The following MYO16 variants were observed in gnomAD, a reference collection of about 807,000 sequenced individuals.
MYO16 encodes unconventional myosin-XVI.
A neutral mutation model predicts 205.3 loss-of-function variants in MYO16; 94 were observed. The ratio of observed to expected loss-of-function variants is 0.46; its 90% CI spans 0.39 to 0.54. The LOEUF is 0.54. MYO16 is among the 20% of genes least tolerant of loss of function. The probability of loss-of-function intolerance (pLI) is 0.00; values close to 1 mark genes in which losing one functional copy is unlikely to be tolerated. For missense variants in MYO16, 2,315 were observed against 2,387.5 expected (o/e 0.97, Z 0.63); for synonymous variants, 988 against 954.0 (o/e 1.04, Z -0.66).
At chr13:108,908,890 T>A (rs898205348) in intron 15 of MYO16, among the ~76,000 whole-genome samples, 1 of 151,622 alleles carries the variant, frequency 6.6e-6, no homozygotes, top group Non-Finnish European at 1.5e-5. Context: ...GGAGAATCAC[T>A]TGAACCGGAG....
intron 27 of MYO16, among the ~76,000 whole-genome samples, chr13:109,083,383 C>CA (rs71125367): frequency 0.013 from 673 of 52,316 alleles, 136 homozygotes; most frequent in Middle Eastern, 0.023. Context: ...AACTCCGTCT[C>CA]AAAAAAAAAA....
At chr13:108,557,418 G>A in the MYO16 span, among the ~76,000 whole-genome samples, 11 of 152,164 alleles carry the variant, frequency 7.2e-5, no homozygotes, top group African/African-American at 2.6e-4. Flanking sequence ...CAAACATTTT[G>A]TTTGTGTGCA....
At chr13:108,916,157 T>C (rs768060539) in intron 16 of MYO16, among the ~76,000 whole-genome samples, 6 of 152,192 alleles carry the variant, frequency 3.9e-5, no homozygotes, top group Non-Finnish European at 5.9e-5. Flanking sequence ...GGAGGTGCTT[T>C]CACCAGATTC....
chr13:109,040,150 A>T (rs1028613051), intron 23 of MYO16, among the ~76,000 whole-genome samples: 21 of 152,112 alleles, frequency 1.4e-4, no homozygotes, highest in African/African-American at 4.8e-4. Flanking sequence ...TTTGAATAGC[A>T]CCATAACTTT....
At chr13:108,879,966 A>C (rs188742454) in intron 12 of MYO16, among the ~76,000 whole-genome samples, 1 of 152,342 alleles carries the variant, frequency 6.6e-6, no homozygotes, top group Non-Finnish European at 1.5e-5. Flanking sequence ...GAACTAGTTT[A>C]CAGTCCCACA....
the MYO16 span, among the ~76,000 whole-genome samples, chr13:108,566,781 G>A: frequency 1.8e-4 from 26 of 141,840 alleles, no homozygotes; most frequent in African/African-American, 6.8e-4. Flanking sequence ...AAGGAAGGAA[G>A]GAAGGAAAGA....
chr13:109,054,201 G>T (rs1453867304), intron 25 of MYO16: 2 of 195,844 alleles, frequency 1.0e-5, no homozygotes, highest in Non-Finnish European at 2.2e-5. Flanking sequence ...CTGATTTTAT[G>T]TCTCTATCAT....
At chr13:108,960,712 C>T (rs921437814) in intron 17 of MYO16, among the ~76,000 whole-genome samples, 5 of 152,212 alleles carry the variant, frequency 3.3e-5, no homozygotes, top group Admixed American at 3.3e-4. Context: ...CGGGGCTCAA[C>T]CTGTTTTACT....
chr13:108,625,986 C>A (rs1323567345), upstream of MYO16, among the ~76,000 whole-genome samples: 2 of 152,142 alleles, frequency 1.3e-5, no homozygotes, highest in East Asian at 3.9e-4. Flanking sequence ...CACCTGGGGC[C>A]TTTTTGGAGC....
At chr13:108,525,049 A>G in the MYO16 span, among the ~76,000 whole-genome samples, 1 of 152,208 alleles carries the variant, frequency 6.6e-6, no homozygotes, top group Non-Finnish European at 1.5e-5. Context: ...AACTGAAATA[A>G]GAGAGTGAAG....
At position 109,086,084 on chromosome 13, in the gene MYO16, T is replaced by G. The variant is rs1888428560; in HGVS notation, c.3336-14701T>G. On this transcript the variant is annotated intron_variant, in intron 27 of 34. Transcript: ENST00000457511. The stretch of plus-strand genomic sequence containing the variant: ...GATTTGTATTCTCTACTGACAAAAT[T>G]TATCTGTGCTGCCCAAGATAGACAT... 2.0e-5 allele frequency among the ~76,000 whole-genome samples: 3 copies of G among 152,088 alleles called. No homozygotes were observed. In the South Asian group the frequency reaches 6.2e-4, roughly 32 times the overall value.
chr13:108,670,062 C>T (rs750537315), intron 2 of MYO16, among the ~76,000 whole-genome samples: 9 of 152,118 alleles, frequency 5.9e-5, no homozygotes, highest in Non-Finnish European at 1.3e-4. Flanking sequence ...GCACTTTCTG[C>T]ACATGTATCC....
intron 20 of MYO16, among the ~76,000 whole-genome samples, chr13:108,983,918 A>G (rs1190677673): frequency 2.0e-5 from 3 of 152,136 alleles, no homozygotes; most frequent in African/African-American, 7.2e-5. Flanking sequence ...TAGCACTCCT[A>G]CTATACTGAT....
chr13:109,136,819 A>G (rs1353219874), intron 31 of MYO16, among the ~76,000 whole-genome samples: 1 of 146,096 alleles, frequency 6.8e-6, no homozygotes, highest in East Asian at 1.9e-4. Flanking sequence ...AAAGAGTTTA[A>G]GGTTTTTTTG....
At chr13:108,895,189 A>G (rs976672479) in intron 14 of MYO16, among the ~76,000 whole-genome samples, 2 of 150,828 alleles carry the variant, frequency 1.3e-5, no homozygotes, top group Non-Finnish European at 3.0e-5. Flanking sequence ...TTATAGAAAA[A>G]ATACCATACA....
chr13:109,177,703 G>A (rs1182473508), intron 33 of MYO16, among the ~76,000 whole-genome samples: 3 of 152,112 alleles, frequency 2.0e-5, no homozygotes, highest in African/African-American at 4.8e-5. Flanking sequence ...TTTTAGTAGA[G>A]ATGGGATTTC....
chr13:108,554,620 C>T, the MYO16 span, among the ~76,000 whole-genome samples: 4 of 152,022 alleles, frequency 2.6e-5, no homozygotes, highest in South Asian at 4.1e-4. Flanking sequence ...GAGGCCGAGG[C>T]GGGCGGATCA....
At chr13:109,023,786 G>A (rs1886252909) in intron 23 of MYO16, among the ~76,000 whole-genome samples, 2 of 123,434 alleles carry the variant, frequency 1.6e-5, no homozygotes, top group Non-Finnish European at 3.3e-5. Flanking sequence ...CATATTATAT[G>A]CATATTCTAC....
intron 6 of MYO16, among the ~76,000 whole-genome samples, chr13:108,800,860 A>T (rs1886948891): frequency 6.6e-6 from 1 of 152,234 alleles, no homozygotes; most frequent in African/African-American, 2.4e-5. Context: ...ATTAGTAAAA[A>T]ATCAGATGCA....
Sources: allele counts gnomAD v4.1 joint callset (sites outside exome capture counted in the v4.1 genomes callset), GRCh38; gene constraint gnomAD v4.1.1; transcripts MANE v1.5; gene names NCBI Gene and HGNC (gene_info 2026-07-23, HGNC 2026-07-21).